The following LRBA variants were observed in gnomAD, a reference collection of about 807,000 sequenced individuals.
The protein encoded by LRBA is LPS responsive beige-like anchor protein.
LRBA carries 176 observed loss-of-function variants against 330.0 expected under a neutral mutation model. The ratio of observed to expected loss-of-function variants is 0.53; its 90% confidence interval spans 0.47 to 0.60. The LOEUF is 0.60. Among genes scored for constraint, LRBA ranks in the 20% least tolerant of loss-of-function variants. LRBA has a pLI of 0.00. For synonymous variants in LRBA, 1,230 were observed against 1,193.0 expected, an observed-to-expected ratio of 1.03 and a Z score of -0.64; for missense variants, 3,259 against 3,444.8, an observed-to-expected ratio of 0.95 and a Z score of 1.35.
intron 22 of LRBA, among the ~76,000 whole-genome samples, chr4:150,863,574 A>G (rs1176531356): frequency 2.0e-5 from 3 of 152,196 alleles, no homozygotes; most frequent in Non-Finnish European, 4.4e-5. Context: ...AGGCATAACA[A>G]TCATTTGAGC....
intron 37 of LRBA, among the ~76,000 whole-genome samples, chr4:150,603,909 G>A (rs1339403753): frequency 6.6e-6 from 1 of 152,006 alleles, no homozygotes; most frequent in African/African-American, 2.4e-5. Context: ...CAATAGATAG[G>A]CTATTTATTC....
chr4:150,501,815 A>G (rs1018213664), intron 40 of LRBA, among the ~76,000 whole-genome samples: 1 of 152,210 alleles, frequency 6.6e-6, no homozygotes, highest in Non-Finnish European at 1.5e-5. Context: ...AAATGAACAT[A>G]ATATACTGAA....
chr4:150,416,711 C>G (rs1747814916), intron 46 of LRBA, among the ~76,000 whole-genome samples: 1 of 150,554 alleles, frequency 6.6e-6, no homozygotes, highest in Non-Finnish European at 1.5e-5. Context: ...TTTTAAGATT[C>G]TCATCTTCAA....
chr4:150,981,214 C>A (rs1488690606), intron 2 of LRBA, among the ~76,000 whole-genome samples: 7 of 151,458 alleles, frequency 4.6e-5, no homozygotes, highest in African/African-American at 1.7e-4. Context: ...AAGTTCGAGA[C>A]CAGCCTGGCC....
chr4:150,746,459 G>C (rs1291293139), intron 35 of LRBA, among the ~76,000 whole-genome samples: 1 of 150,278 alleles, frequency 6.7e-6, no homozygotes, highest in Non-Finnish European at 1.5e-5. Flanking sequence ...AATAGACCAA[G>C]TACTGCCCAT....
At chr4:150,564,940 A>G (rs1480248040) in intron 40 of LRBA, among the ~76,000 whole-genome samples, 2 of 152,220 alleles carry the variant, frequency 1.3e-5, no homozygotes, top group Non-Finnish European at 2.9e-5. Flanking sequence ...GTGGGAATGT[A>G]AATTAGTTCA....
chr4:150,653,409 T>C (rs1214478733), intron 37 of LRBA, among the ~76,000 whole-genome samples: 2 of 152,236 alleles, frequency 1.3e-5, no homozygotes, highest in African/African-American at 4.8e-5. Context: ...CTTTTACTTT[T>C]AGACTGTCTC....
intron 42 of LRBA, among the ~76,000 whole-genome samples, chr4:150,473,868 T>C (rs1756422607): frequency 6.6e-6 from 1 of 152,202 alleles, no homozygotes; most frequent in South Asian, 2.1e-4. Flanking sequence ...GAATGCAGAC[T>C]AATAAAAAGT....
chr4:150,509,583 G>C (rs748600037), intron 40 of LRBA, among the ~76,000 whole-genome samples: 1 of 147,884 alleles, frequency 6.8e-6, no homozygotes, highest in East Asian at 2.0e-4. Flanking sequence ...AAAAAAAAGA[G>C]AGAAATATCA....
At chr4:150,808,052 A>C (rs1284582908) in intron 32 of LRBA, among the ~76,000 whole-genome samples, 4 of 152,228 alleles carry the variant, frequency 2.6e-5, no homozygotes, top group Admixed American at 6.5e-5. Context: ...TTATGCATGC[A>C]GCAATTATTT....
At position 150,506,735 on chromosome 4, in the gene LRBA, C is replaced by T. The variant is rs147652197; in HGVS notation, c.6331-15700G>A. On this transcript the variant is annotated intron_variant, in intron 40 of 56. Coordinates refer to ENST00000651943, the MANE Select transcript of LRBA (RefSeq NM_001364905.1). Reference sequence around the variant, plus strand: ...GTTGGAAGTTCTGGCCAGGGCAATCCGTCAGGAGAAAGAAAGAAAGGGTAT... The same window carrying T: ...GTTGGAAGTTCTGGCCAGGGCAATCTGTCAGGAGAAAGAAAGAAAGGGTAT... Among the ~76,000 whole-genome samples, 346 of 152,110 alleles carry T rather than the reference C, an allele frequency of 2.3e-3. 1 individual carries two copies. The highest frequency in any genetic ancestry group is 7.7e-3 in the African/African-American group (319 of 41,512).
intron 33 of LRBA, among the ~76,000 whole-genome samples, chr4:150,804,002 T>C (rs1356589576): frequency 2.0e-5 from 3 of 152,088 alleles, no homozygotes; most frequent in African/African-American, 7.2e-5. Flanking sequence ...CTGTATTTAA[T>C]ACATACATCT....
At position 150,310,374 on chromosome 4, in the gene LRBA, T is replaced by G. The variant is rs564417280; in HGVS notation, c.7704A>C (p.Thr2568=). The G allele has an allele frequency of 6.2e-7, 1 of 1,612,432 alleles. No individual in the cohort carries two copies. The highest frequency in any genetic ancestry group is 1.1e-5 in the South Asian group (1 of 90,820). Residue 2568 remains threonine (T), a synonymous_variant, in exon 52 of 57, where the codon ACA becomes ACC. Coordinates refer to ENST00000651943, the MANE Select transcript of LRBA (RefSeq NM_001364905.1). ...VEIDPLIASN[T]GMHRRQITDL... is the part of the protein sequence containing the mutation. Reference sequence around the variant, plus strand: ...CAGTGATTTGCCTCCTGTGCATTCCTGTATTGCTGGCTGTAAGAATAGGGA... The same window carrying G: ...CAGTGATTTGCCTCCTGTGCATTCCGGTATTGCTGGCTGTAAGAATAGGGA...
chr4:150,489,653 A>G (rs1367341175), intron 41 of LRBA, among the ~76,000 whole-genome samples: 3 of 121,668 alleles, frequency 2.5e-5, no homozygotes, highest in African/African-American at 9.5e-5. Context: ...TATAATATAT[A>G]ATATTATATA....
intron 50 of LRBA, among the ~76,000 whole-genome samples, chr4:150,319,243 G>A (rs1732148886): frequency 6.6e-6 from 1 of 152,096 alleles, no homozygotes; most frequent in Non-Finnish European, 1.5e-5. Context: ...TACAGTCAGG[G>A]CTTTCCAGCA....
intron 35 of LRBA, among the ~76,000 whole-genome samples, chr4:150,757,656 A>G (rs1041625961): frequency 6.6e-6 from 1 of 152,186 alleles, no homozygotes; most frequent in Non-Finnish European, 1.5e-5. Flanking sequence ...ATCTACTCCT[A>G]TGAAAACTCA....
At chr4:150,846,385 C>G (rs1458685218) in intron 26 of LRBA, among the ~76,000 whole-genome samples, 3 of 151,938 alleles carry the variant, frequency 2.0e-5, no homozygotes, top group Non-Finnish European at 4.4e-5. Flanking sequence ...AAAGAATTAG[C>G]CGGGTGTGGT....
chr4:150,314,294 A>T (rs1259195870), intron 51 of LRBA, among the ~76,000 whole-genome samples: 2 of 152,124 alleles, frequency 1.3e-5, no homozygotes, highest in African/African-American at 4.8e-5. Context: ...TTTTTAATAT[A>T]TGGCAAATCA....
At chr4:150,930,424 C>G (rs1277567760) in intron 2 of LRBA, among the ~76,000 whole-genome samples, 1 of 151,818 alleles carries the variant, frequency 6.6e-6, no homozygotes, top group African/African-American at 2.4e-5. Context: ...ACCTGGGAGG[C>G]AGAGGTTGCA....
Sources: gnomAD v4.1 joint callset for allele counts (sites outside exome capture counted in the v4.1 genomes callset) on GRCh38, gnomAD v4.1.1 for gene constraint, MANE v1.5 for transcripts, NCBI Gene and HGNC (gene_info 2026-07-23, HGNC 2026-07-21) for gene names.